TCERG1: variants seen among roughly 807,000 people sequenced by gnomAD.
TCERG1 encodes the protein transcription elongation regulator 1, also known as TATA box binding protein (TBP)-associated factor, RNA polymerase II, S, 150kD.
In TCERG1, 37 loss-of-function variants were observed where a neutral mutation model predicts 144.7. The ratio of observed to expected loss-of-function variants is 0.26; its 90% CI spans 0.20 to 0.34. The LOEUF (loss-of-function observed/expected upper bound fraction) is 0.34. Among genes scored for constraint, TCERG1 ranks in the 10% least tolerant of loss-of-function variants. The probability of loss-of-function intolerance (pLI) is 1.00; values close to 1 mark genes in which losing one functional copy is unlikely to be tolerated. For missense variants in TCERG1, 1,027 were observed against 1,380.7 expected, an observed-to-expected ratio of 0.74 and a Z score of 4.06; for synonymous variants, 492 against 458.2, an observed-to-expected ratio of 1.07 and a Z score of -0.94.
chr5:146,463,363 TTG>T (rs1044659792), intron 4 of TCERG1, among the ~76,000 whole-genome samples, 186 bp from the exon 5 acceptor site: 16 of 152,236 alleles, frequency 1.1e-4, no homozygotes, highest in African/African-American at 3.9e-4. Context: ...CCATTTTACT[TTG>T]TATTCATTTT....
At chr5:146,458,478 ATTTT>A (rs1282807657) in intron 3 of TCERG1, among the ~76,000 whole-genome samples, 1 of 131,452 alleles carries the variant, frequency 7.6e-6, no homozygotes, top group East Asian at 2.3e-4. Context: ...GCGCCCAGCT[ATTTT>A]TTATTTTTGA....
chr5:146,458,796 A>G (rs1399055117), intron 3 of TCERG1, 88 bp from the exon 4 acceptor site: 17 of 1,496,768 alleles, frequency 1.1e-5, no homozygotes, highest in Non-Finnish European at 1.5e-5. Context: ...ATTTTTAAAT[A>G]GCTTTAAAGA....
intron 9 of TCERG1, among the ~76,000 whole-genome samples, chr5:146,477,761 G>A (rs1193449189): frequency 6.8e-6 from 1 of 146,382 alleles, no homozygotes; most frequent in Non-Finnish European, 1.5e-5. Flanking sequence ...GCAGTGGTGC[G>A]ATCACAACTT....
At chr5:146,497,116 C>T (rs891701304) in intron 16 of TCERG1, among the ~76,000 whole-genome samples, 1 of 152,044 alleles carries the variant, frequency 6.6e-6, no homozygotes, top group African/African-American at 2.4e-5. Flanking sequence ...AACTGATCCA[C>T]CTGCCTTGGC....
chr5:146,493,607 G>A (rs1766619655), intron 16 of TCERG1, among the ~76,000 whole-genome samples: 3 of 152,028 alleles, frequency 2.0e-5, no homozygotes, highest in Admixed American at 2.0e-4. Context: ...ACATTTACAT[G>A]TAAACATGAC....
chr5:146,450,898 C>T (rs980957461), intron 1 of TCERG1, among the ~76,000 whole-genome samples: 3 of 152,126 alleles, frequency 2.0e-5, no homozygotes, highest in Admixed American at 1.3e-4. Flanking sequence ...AATGTTTCAC[C>T]GGGATTATCT....
At chr5:146,448,083 T>A (rs1020455521) in intron 1 of TCERG1, among the ~76,000 whole-genome samples, 2 of 152,200 alleles carry the variant, frequency 1.3e-5, no homozygotes, top group Admixed American at 6.5e-5. Context: ...ACAACCACCC[T>A]TTGGAGTAGT....
intron 1 of TCERG1, among the ~76,000 whole-genome samples, chr5:146,449,813 A>G (rs1324603075): frequency 6.6e-6 from 1 of 152,214 alleles, no homozygotes; most frequent in Non-Finnish European, 1.5e-5. Context: ...TTCCAGAGTC[A>G]TTTGTATAGA....
chr5:146,463,097 A>G (rs1561645713), intron 4 of TCERG1, among the ~76,000 whole-genome samples: 2 of 152,094 alleles, frequency 1.3e-5, no homozygotes, highest in Non-Finnish European at 2.9e-5. Context: ...ACAACTCACT[A>G]GTTTTGTTGG....
At chr5:146,468,503 A>T in intron 6 of TCERG1, 100 bp downstream of exon 6, 1 of 1,028,378 alleles carries the variant, frequency 9.7e-7, no homozygotes, top group Non-Finnish European at 1.4e-6. Flanking sequence ...AAGTGAGTGG[A>T]TATTTTTATA....
chr5:146,506,931 C>T (rs1335562952), intron 19 of TCERG1, 97 bp from the exon 20 acceptor site: 2 of 1,028,204 alleles, frequency 1.9e-6, no homozygotes, highest in African/African-American at 3.3e-5. Context: ...GATTCCATAT[C>T]TTGGCTATTG....
At chr5:146,455,310 T>C in intron 2 of TCERG1, 29 bp downstream of exon 2, 1 of 1,610,194 alleles carries the variant, frequency 6.2e-7, no homozygotes, top group Non-Finnish European at 8.5e-7. Context: ...GCCATTTCTT[T>C]GTTGGCATCA....
chr5:146,500,686 T>G (rs1208103370), intron 17 of TCERG1, among the ~76,000 whole-genome samples: 4 of 152,202 alleles, frequency 2.6e-5, no homozygotes, highest in Non-Finnish European at 5.9e-5. Context: ...TCATGTAGTT[T>G]TTACCACTAG....
intron 15 of TCERG1, among the ~76,000 whole-genome samples, chr5:146,490,593 T>G (rs369962404): frequency 1.3e-5 from 2 of 152,212 alleles, no homozygotes; most frequent in South Asian, 4.1e-4. Flanking sequence ...GCTCTCTTAG[T>G]CCCTAGTATT....
chr5:146,480,147 T>A, intron 12 of TCERG1, 53 bp downstream of exon 12: 1 of 1,398,962 alleles, frequency 7.1e-7, no homozygotes, highest in Non-Finnish European at 9.8e-7. Flanking sequence ...TAAAAGTCGA[T>A]TTGGTAATAA....
intron 1 of TCERG1, among the ~76,000 whole-genome samples, chr5:146,449,418 A>G (rs1762170155): frequency 6.6e-6 from 1 of 152,208 alleles, no homozygotes; most frequent in South Asian, 2.1e-4. Flanking sequence ...AATGAAATCA[A>G]CCACATCAAA....
chr5:146,476,727 A>T (rs926170146), intron 9 of TCERG1, among the ~76,000 whole-genome samples: 2 of 152,072 alleles, frequency 1.3e-5, no homozygotes, highest in African/African-American at 4.8e-5. Flanking sequence ...TAATTTTCGG[A>T]CTTGGGGGTC....
At chr5:146,488,273 A>G (rs1264023138) in intron 15 of TCERG1, among the ~76,000 whole-genome samples, 1 of 152,206 alleles carries the variant, frequency 6.6e-6, no homozygotes, top group Non-Finnish European at 1.5e-5. Context: ...AGTTCTCCAT[A>G]GCAAGGGAAA....
intron 1 of TCERG1, among the ~76,000 whole-genome samples, chr5:146,450,911 T>C (rs1033405423): frequency 1.3e-5 from 2 of 152,240 alleles, no homozygotes; most frequent in Admixed American, 6.5e-5. Flanking sequence ...GATTATCTCA[T>C]TGAACAGTGA....
Sources: allele counts gnomAD v4.1 joint callset (sites outside exome capture counted in the v4.1 genomes callset), GRCh38; gene constraint gnomAD v4.1.1; transcripts MANE v1.5; gene names NCBI Gene and HGNC (gene_info 2026-07-23, HGNC 2026-07-21).